The following SYCP1 variants were observed in gnomAD, a reference collection of about 807,000 sequenced individuals.
SYCP1 encodes the protein cancer/testis antigen 8.
Under a neutral mutation model 153.1 loss-of-function variants are expected in SYCP1, and 64 were observed. The observed-to-expected ratio is 0.42, with a 90% confidence interval of 0.34 to 0.51. SYCP1 has a LOEUF of 0.51. SYCP1 is among the 20% of genes least tolerant of loss of function. The probability of loss-of-function intolerance (pLI) is 0.06; values close to 1 mark genes in which losing one functional copy is unlikely to be tolerated. For synonymous variants in SYCP1, 384 were observed against 341.8 expected (o/e 1.12, Z -1.36); for missense variants, 997 against 1,049.0 (o/e 0.95, Z 0.68).
Position 114,994,914 on chromosome 1 carries a change from A to G in SYCP1, c.2826A>G (p.Thr942=), listed in dbSNP as rs564674896. 113 of 1,608,946 alleles carry G rather than the reference A, an allele frequency of 7.0e-5. 1 individual carries two copies. In the South Asian group the frequency reaches 9.3e-4, roughly 13 times the overall value. Residue 942 remains threonine (T), a synonymous_variant, in exon 32 of 32, where the codon ACA becomes ACG. Coordinates refer to ENST00000369522, the MANE Select transcript of SYCP1 (RefSeq NM_003176.4). ...CATCTCTAACAACCCCTGGATCTAC[A>G]CTGAAGTTTGGAGCTATAAGAAAAA... The part of the protein sequence containing the change: ...APSSLTTPGS[T]LKFGAIRKMR...
chr1:114,946,213 TA>T, intron 25 of SYCP1, 75 bp from the exon 26 acceptor site: 1 of 577,258 alleles, frequency 1.7e-6, no homozygotes, highest in Non-Finnish European at 2.6e-6. Flanking sequence ...AATTAAATAT[TA>T]AAATATGTTA....
chr1:114,988,444 T>C (rs1673686551), intron 30 of SYCP1, among the ~76,000 whole-genome samples: 2 of 151,946 alleles, frequency 1.3e-5, no homozygotes, highest in Admixed American at 1.3e-4. Context: ...CAAGTTATTC[T>C]CAACAAAATT....
chr1:114,888,035 T>C (rs1002342986), intron 15 of SYCP1, among the ~76,000 whole-genome samples: 4 of 152,208 alleles, frequency 2.6e-5, no homozygotes, highest in African/African-American at 9.6e-5. Flanking sequence ...CTGTTATTGT[T>C]TAATTGAATT....
At chr1:114,952,527 AC>A in intron 27 of SYCP1, among the ~76,000 whole-genome samples, 1 of 152,250 alleles carries the variant, frequency 6.6e-6, no homozygotes, top group East Asian at 1.9e-4. Context: ...CAGGAAACTT[AC>A]AATTATGGTG....
At chr1:114,965,789 A>T (rs1351535416) in intron 27 of SYCP1, among the ~76,000 whole-genome samples, 1 of 152,050 alleles carries the variant, frequency 6.6e-6, no homozygotes, top group African/African-American at 2.4e-5. Context: ...TTCATCAGGG[A>T]TATTGGCCTG....
Position 114,933,044 on chromosome 1 carries a change from G to C in SYCP1, c.1926+6481G>C, listed in dbSNP as rs144898754. 3.8e-3 allele frequency among the ~76,000 whole-genome samples: 583 copies of C among 152,312 alleles called. 6 individuals are homozygous for C. The highest frequency in any genetic ancestry group is 0.013 in the African/African-American group (549 of 41,568). On this transcript the variant is annotated intron_variant, in intron 23 of 31. Coordinates refer to ENST00000369522, the MANE Select transcript of SYCP1 (RefSeq NM_003176.4). ...TCCCTGTCTGACAGCTTTGAAGAGA[G>C]TAGTGGTCCTCCCAGCATGGAGTTT...
intron 16 of SYCP1, among the ~76,000 whole-genome samples, chr1:114,897,002 C>A (rs569833262): frequency 1.3e-5 from 2 of 152,206 alleles, no homozygotes; most frequent in Non-Finnish European, 2.9e-5. Flanking sequence ...TAGGAGGGGT[C>A]AGGCTCCTCT....
At chr1:114,875,324 A>C (rs1200800951) in intron 9 of SYCP1, among the ~76,000 whole-genome samples, 1 of 145,638 alleles carries the variant, frequency 6.9e-6, no homozygotes, top group African/African-American at 2.6e-5. Context: ...GCAGTGGCGC[A>C]ACCTCGGCTC....
At chr1:114,916,521 T>A (rs2101696059) in intron 20 of SYCP1, among the ~76,000 whole-genome samples, 1 of 152,110 alleles carries the variant, frequency 6.6e-6, no homozygotes, top group South Asian at 2.1e-4. Context: ...AAGATAAGGA[T>A]AAGTCATTTT....
At chr1:114,854,452 C>T (rs1454796200), upstream of SYCP1, among the ~76,000 whole-genome samples, 1 of 152,190 alleles carries the variant, frequency 6.6e-6, no homozygotes, top group Non-Finnish European at 1.5e-5. Flanking sequence ...ACTCTCCATT[C>T]ACTCATTCTT....
intron 28 of SYCP1, 43 bp from the exon 29 acceptor site, chr1:114,981,293 G>C: frequency 7.1e-7 from 1 of 1,401,102 alleles, no homozygotes; most frequent in Non-Finnish European, 9.7e-7. Flanking sequence ...TAATTAATGT[G>C]ACATTTAGTG....
intron 12 of SYCP1, among the ~76,000 whole-genome samples, chr1:114,878,637 G>A (rs1033249042): frequency 6.6e-6 from 1 of 152,118 alleles, no homozygotes; most frequent in Non-Finnish European, 1.5e-5. Flanking sequence ...TCTGCCTCCC[G>A]AGTTCAAGCG....
chr1:114,968,161 G>T (rs1220055026), intron 27 of SYCP1, among the ~76,000 whole-genome samples: 1 of 152,090 alleles, frequency 6.6e-6, no homozygotes, highest in African/African-American at 2.4e-5. Context: ...GTGTCTTGGG[G>T]TTGTTCTTCT....
chr1:114,972,489 A>G (rs747892782), intron 27 of SYCP1, among the ~76,000 whole-genome samples: 1 of 151,990 alleles, frequency 6.6e-6, no homozygotes, highest in Non-Finnish European at 1.5e-5. Context: ...GTTCTTTAAG[A>G]TGCATCATTA....
rs184125247 is a variant in SYCP1, at chr1:114,899,604, G to A, written c.1320+4095G>A. Among the ~76,000 whole-genome samples, 209 of 152,284 alleles carry A rather than the reference G, an allele frequency of 1.4e-3. 1 individual carries two copies. The highest frequency in any genetic ancestry group is 3.9e-3 in the Admixed American group (60 of 15,298). On this transcript the variant is annotated intron_variant, in intron 16 of 31. Coordinates refer to ENST00000369522, the MANE Select transcript of SYCP1 (RefSeq NM_003176.4). ...GTCTGTGAATAACGAAATGTCCAGG[G>A]TAGTTACAATTAGAAACACAATTGA...
intron 27 of SYCP1, among the ~76,000 whole-genome samples, chr1:114,974,993 T>G (rs1034324830): frequency 6.6e-6 from 1 of 151,868 alleles, no homozygotes; most frequent in African/African-American, 2.4e-5. Flanking sequence ...TCAGCATTTG[T>G]TATTTCCTAT....
chr1:114,901,168 G>A (rs1444925370), intron 16 of SYCP1, among the ~76,000 whole-genome samples: 1 of 152,078 alleles, frequency 6.6e-6, no homozygotes, highest in Non-Finnish European at 1.5e-5. Context: ...TTTAATTCCT[G>A]GGGTTCCATG....
chr1:114,875,034 C>T (rs1665411923), intron 9 of SYCP1, among the ~76,000 whole-genome samples: 1 of 152,076 alleles, frequency 6.6e-6, no homozygotes, highest in Non-Finnish European at 1.5e-5. Context: ...AGATCTTATG[C>T]ACATTTCTAA....
At chr1:114,894,032 ATGT>A (rs1461286890) in intron 15 of SYCP1, among the ~76,000 whole-genome samples, 1 of 150,388 alleles carries the variant, frequency 6.6e-6, no homozygotes, top group African/African-American at 2.4e-5. Context: ...TATTTTGTTA[ATGT>A]TGTTCTTTTA....
Sources: allele counts gnomAD v4.1 joint callset (sites outside exome capture counted in the v4.1 genomes callset), GRCh38; gene constraint gnomAD v4.1.1; transcripts MANE v1.5; gene names NCBI Gene and HGNC (gene_info 2026-07-23, HGNC 2026-07-21).